FOXK1: variants seen among roughly 807,000 people sequenced by gnomAD.
FOXK1 encodes forkhead box protein K1.
Under a neutral mutation model 51.9 loss-of-function variants are expected in FOXK1, and 19 were observed. The observed-to-expected ratio is 0.37, with a 90% CI of 0.26 to 0.54. The LOEUF is 0.54. FOXK1 is among the 20% of genes least tolerant of loss of function. FOXK1 has a pLI of 0.87. For missense variants in FOXK1, 870 were observed against 1,032.7 expected, an observed-to-expected ratio of 0.84 and a Z score of 2.16; for synonymous variants, 537 against 482.6, an observed-to-expected ratio of 1.11 and a Z score of -1.48.
In FOXK1 at chr7:4,734,923, C is replaced by T. The variant is rs1780533276; in HGVS notation, c.561-5915C>T. 6.6e-6 allele frequency among the ~76,000 whole-genome samples: 1 copy of T among 152,164 alleles called. No individual in the cohort carries two copies. The highest frequency in any genetic ancestry group is 2.4e-5 in the African/African-American group (1 of 41,436). ...CTGTCACATTCATTTTAAAAATCGCCTCCGGAAGCTTTCACGGGCTCTTCC... is the reference window on the plus strand; with the variant it reads ...CTGTCACATTCATTTTAAAAATCGCTTCCGGAAGCTTTCACGGGCTCTTCC... On this transcript the variant is annotated intron_variant, in intron 1 of 8. Coordinates refer to ENST00000328914, the MANE Select transcript of FOXK1 (RefSeq NM_001037165.2). The surrounding 1 kb of genome is among the most constrained non-coding windows in gnomAD (Gnocchi z 5.2).
At position 4,711,855 on chromosome 7, in the gene FOXK1, G is replaced by A. The variant is rs189098408; in HGVS notation, c.561-28983G>A. Among the ~76,000 whole-genome samples, 5 of 152,250 alleles carry A rather than the reference G, an allele frequency of 3.3e-5. No individual in the cohort carries two copies. Among genetic ancestry groups the A allele is most frequent in the Non-Finnish European group, 7.4e-5 (5 of 68,002 alleles). On this transcript the variant is annotated intron_variant, in intron 1 of 8. Coordinates refer to ENST00000328914, the MANE Select transcript of FOXK1 (RefSeq NM_001037165.2). The surrounding 1 kb of genome is among the most constrained non-coding windows in gnomAD (Gnocchi z 6.3). ...GATTGCGGCCGGCCGGTGTCAAGGC[G>A]GGGGACCTGTGAGCTGGGCCTGGAG...
intron 1 of FOXK1, among the ~76,000 whole-genome samples, chr7:4,697,707 C>A (rs1779970729): frequency 7.0e-6 from 1 of 142,726 alleles, no homozygotes; most frequent in South Asian, 2.3e-4. Context: ...TTATTATTTT[C>A]TAAAGGTTAG....
At chr7:4,741,533 G>A (rs568910030) in intron 2 of FOXK1, among the ~76,000 whole-genome samples, 2 of 152,238 alleles carry the variant, frequency 1.3e-5, no homozygotes, top group South Asian at 4.1e-4. Context: ...GTTTCACGAT[G>A]TTGGCCATGC....
chr7:4,701,254 G>A (rs10273059), intron 1 of FOXK1, among the ~76,000 whole-genome samples: 172 of 151,684 alleles, frequency 1.1e-3, no homozygotes, highest in African/African-American at 3.6e-3. Flanking sequence ...CTCAAAGGAC[G>A]GGGGGCTAGA....
chr7:4,697,222 A>G (rs1303375355), intron 1 of FOXK1, among the ~76,000 whole-genome samples: 5 of 152,192 alleles, frequency 3.3e-5, no homozygotes, highest in Non-Finnish European at 7.3e-5. Flanking sequence ...GGCCAGGCCC[A>G]GAAGTAGCAT....
Position 4,762,033 on chromosome 7 carries a change from A to G in FOXK1, c.1922-151A>G. 1 of 887,916 alleles carries G rather than the reference A, an allele frequency of 1.1e-6. No homozygotes were observed. Among genetic ancestry groups the G allele is most frequent in the Non-Finnish European group, 1.7e-6 (1 of 595,232 alleles). The allele number at this position is 887,916 out of a possible 1,614,324, so 55.0% of individuals were successfully genotyped here. A position where few individuals can be genotyped will look rare whatever the true frequency, so the allele number is the denominator to read the frequency against. On this transcript the variant is annotated intron_variant, in intron 8 of 8. Transcript: ENST00000328914. The surrounding 1 kb of genome is among the most constrained non-coding windows in gnomAD (Gnocchi z 5.7). ...GTGGGGAGGGGACGGCAGGGCCCGC[A>G]GGGAGCAGAGCAAGGGTAGCCGTCC...
chr7:4,755,397 C>T lies in FOXK1; in HGVS notation c.1050+14C>T, dbSNP rs1780833738. On this transcript the variant is annotated intron_variant, in intron 4 of 8. Coordinates refer to ENST00000328914, the MANE Select transcript of FOXK1 (RefSeq NM_001037165.2). The surrounding 1 kb of genome is among the most constrained non-coding windows in gnomAD (Gnocchi z 6.6). The stretch of plus-strand genomic sequence containing the variant: ...AAAGGCTGGCAGGTGAAGCCGAGTC[C>T]CCAGGGCCGGATCGCCTCTGAAGGC... 6.2e-7 allele frequency: 1 copy of T among 1,612,990 alleles called. No homozygotes were observed. The highest frequency in any genetic ancestry group is 2.2e-5 in the East Asian group (1 of 44,868).
Position 4,771,082 on chromosome 7 carries a change from GC to G in FOXK1, c.*8619del, listed in dbSNP as rs971578126. On this transcript the variant is annotated 3_prime_UTR_variant, in exon 9 of 9. Coordinates refer to ENST00000328914, the MANE Select transcript of FOXK1 (RefSeq NM_001037165.2). ...CTGGAGGAGTGAAGGTGGGCGCCCG[GC>G]GGGGGGGTGTGGCTGCACCCCAGCA... 6.6e-6 allele frequency: 1 copy of G among 152,604 alleles called. No homozygotes were observed. The highest frequency in any genetic ancestry group is 1.5e-5 in the Non-Finnish European group (1 of 68,040). 9.5% of individuals were successfully genotyped at this position (152,604 alleles called of 1,614,324 possible). A position where few individuals can be genotyped will look rare whatever the true frequency, so the allele number is the denominator to read the frequency against.
rs530251959 is a variant in FOXK1 at position 4,709,347 on chromosome 7, C to T, written c.560+26479C>T. ...CTACTGTGCCTCCTTCCCAGTGTCA[C>T]GTTGCTGCGTCCACGAGCCTGGCTT... On this transcript the variant is annotated intron_variant, in intron 1 of 8. Transcript: ENST00000328914. The surrounding 1 kb of genome is among the most constrained non-coding windows in gnomAD (Gnocchi z 5.6). 7.8e-4 allele frequency among the ~76,000 whole-genome samples: 119 copies of T among 152,340 alleles called. No homozygotes were observed. The highest frequency in any genetic ancestry group is 2.0e-3 in the African/African-American group (84 of 41,578).
chr7:4,708,889 A>G (rs1351013123), intron 1 of FOXK1, among the ~76,000 whole-genome samples: 1 of 152,012 alleles, frequency 6.6e-6, no homozygotes, highest in Non-Finnish European at 1.5e-5. Context: ...ACATAGTGAG[A>G]CCCCGTCTCT....
chr7:4,751,428 G>A (rs1417524047), intron 2 of FOXK1, among the ~76,000 whole-genome samples: 2 of 152,094 alleles, frequency 1.3e-5, no homozygotes, highest in Non-Finnish European at 2.9e-5. Flanking sequence ...TTTTCCGGAT[G>A]GCTCCAAGGC....
chr7:4,737,462 A>G (rs1177608558), intron 1 of FOXK1, among the ~76,000 whole-genome samples: 2 of 150,434 alleles, frequency 1.3e-5, no homozygotes, highest in Non-Finnish European at 3.0e-5. Context: ...GCACGTGTGC[A>G]TGTGTGTGTG....
chr7:4,709,057 C>G lies in FOXK1; in HGVS notation c.560+26189C>G, dbSNP rs1780141376. ...TCCAGCCTGGGCAATGAGCGAGACT[C>G]TGTCTCAAAAAAAAAAAAAAAAGAA... On this transcript the variant is annotated intron_variant, in intron 1 of 8. Coordinates refer to ENST00000328914, the MANE Select transcript of FOXK1 (RefSeq NM_001037165.2). This position sits in a 1 kb window ranked among gnomAD's most constrained non-coding sequence, Gnocchi z 5.6. Among the ~76,000 whole-genome samples the G allele has an allele frequency of 1.5e-5, 2 of 135,166 alleles. No homozygotes were observed. Among genetic ancestry groups the G allele is most frequent in the Non-Finnish European group, 3.1e-5 (2 of 65,106 alleles). The allele number at this position is 135,166 out of a possible 152,430, so 88.7% of individuals were successfully genotyped here.
rs1217079388 is a variant in FOXK1, at chr7:4,745,077, C to T, written c.746+4054C>T. 6.6e-6 allele frequency among the ~76,000 whole-genome samples: 1 copy of T among 152,254 alleles called. No individual in the cohort carries two copies. The highest frequency in any genetic ancestry group is 1.5e-5 in the Non-Finnish European group (1 of 68,050). Reference sequence around the variant, plus strand: ...GTTTACAAACACTCCCTGCCCTTCCCTGCCACCTCCCCACTCTCCTCCTCT... The same window carrying T: ...GTTTACAAACACTCCCTGCCCTTCCTTGCCACCTCCCCACTCTCCTCCTCT... On this transcript the variant is annotated intron_variant, in intron 2 of 8. Transcript: ENST00000328914. This position sits in a 1 kb window ranked among gnomAD's most constrained non-coding sequence, Gnocchi z 4.3.
intron 2 of FOXK1, among the ~76,000 whole-genome samples, chr7:4,744,187 C>T (rs1780671692): frequency 6.6e-6 from 1 of 151,510 alleles, no homozygotes; most frequent in South Asian, 2.1e-4. Context: ...GCTTTTATTA[C>T]AAGAGAGGTT....
At chr7:4,710,362 G>A (rs1042035526) in intron 1 of FOXK1, among the ~76,000 whole-genome samples, 2 of 152,168 alleles carry the variant, frequency 1.3e-5, no homozygotes, top group Non-Finnish European at 2.9e-5. Flanking sequence ...ATCACCTGAG[G>A]TCAGGAGTTC....
chr7:4,768,356 T>C lies in FOXK1; in HGVS notation c.*5892T>C, dbSNP rs1325310278. ...ACCGTGTTAGCCAGGATGGTCTCGATCTCCTGACCTCGTGATCCGCCCGCC... is the reference window on the plus strand; with the variant it reads ...ACCGTGTTAGCCAGGATGGTCTCGACCTCCTGACCTCGTGATCCGCCCGCC... On this transcript the variant is annotated 3_prime_UTR_variant, in exon 9 of 9. Coordinates refer to ENST00000328914, the MANE Select transcript of FOXK1 (RefSeq NM_001037165.2). 1.4e-5 allele frequency: 2 copies of C among 138,374 alleles called. No homozygotes were observed. The highest frequency in any genetic ancestry group is 4.2e-4 in the South Asian group (2 of 4,796). 8.6% of individuals were successfully genotyped at this position (138,374 alleles called of 1,614,324 possible). A position where few individuals can be genotyped will look rare whatever the true frequency, so the allele number is the denominator to read the frequency against.
At chr7:4,706,657 CA>C (rs2115038594) in intron 1 of FOXK1, among the ~76,000 whole-genome samples, 1 of 152,374 alleles carries the variant, frequency 6.6e-6, no homozygotes, top group African/African-American at 2.4e-5. Flanking sequence ...ATGTGATTTA[CA>C]GTTCTGTCTG....
chr7:4,685,685 G>C (rs1194266534), intron 1 of FOXK1, among the ~76,000 whole-genome samples: 1 of 152,042 alleles, frequency 6.6e-6, no homozygotes, highest in Non-Finnish European at 1.5e-5. Flanking sequence ...CCTCACGCCT[G>C]TAATCTCAGC....
Sources: allele counts gnomAD v4.1 joint callset (sites outside exome capture counted in the v4.1 genomes callset), GRCh38; gene constraint gnomAD v4.1.1; non-coding constraint Gnocchi (gnomAD v3.1); transcripts MANE v1.5; gene names NCBI Gene and HGNC (gene_info 2026-07-23, HGNC 2026-07-21).